ARHGAP10: variants seen among roughly 807,000 people sequenced by gnomAD.
ARHGAP10 encodes rho GTPase-activating protein 10.
In ARHGAP10, 87 loss-of-function variants were observed where a neutral mutation model predicts 108.6. The ratio of observed to expected loss-of-function variants is 0.80; its 90% CI spans 0.67 to 0.96. The LOEUF (loss-of-function observed/expected upper bound fraction) is 0.96, where lower values mean the gene tolerates loss of function less well. Ranked by LOEUF, ARHGAP10 falls within the 40% of genes least tolerant of loss-of-function variation. The probability of loss-of-function intolerance (pLI) is 0.00; values close to 1 mark genes in which losing one functional copy is unlikely to be tolerated. For synonymous variants in ARHGAP10, 347 were observed against 341.1 expected, an observed-to-expected ratio of 1.02 and a Z score of -0.19; for missense variants, 939 against 954.5, an observed-to-expected ratio of 0.98 and a Z score of 0.21.
intron 16 of ARHGAP10, among the ~76,000 whole-genome samples, chr4:147,959,588 A>C (rs867529031): frequency 2.6e-5 from 4 of 151,934 alleles, no homozygotes; most frequent in Non-Finnish European, 5.9e-5. Flanking sequence ...TCATTGTTCA[A>C]TTCCCACCTA....
At chr4:147,772,274 C>A (rs542094475) in intron 1 of ARHGAP10, among the ~76,000 whole-genome samples, 1 of 152,208 alleles carries the variant, frequency 6.6e-6, no homozygotes, top group Non-Finnish European at 1.5e-5. Flanking sequence ...AGCTCCCTCT[C>A]CCTAGGTTCC....
At chr4:147,743,849 A>G (rs1728796711) in intron 1 of ARHGAP10, among the ~76,000 whole-genome samples, 1 of 152,246 alleles carries the variant, frequency 6.6e-6, no homozygotes, top group Non-Finnish European at 1.5e-5. Flanking sequence ...CAAGGCTTAA[A>G]TTATTTTTAA....
intron 1 of ARHGAP10, among the ~76,000 whole-genome samples, chr4:147,797,842 C>T (rs568532322): frequency 8.5e-5 from 13 of 152,290 alleles, no homozygotes; most frequent in African/African-American, 2.9e-4. Context: ...TGCTATGTTC[C>T]CTGAGGGTCT....
Position 147,771,297 on chromosome 4 carries a change from A to T in ARHGAP10, c.154+38842A>T, listed in dbSNP as rs141994212. ...CGCCTGTAACAGCAGTGAAAATGAC[A>T]TGTGCTCAAGTGGGTTTATTTTACT... On this transcript the variant is annotated intron_variant, in intron 1 of 22. Transcript: ENST00000336498. Among the ~76,000 whole-genome samples, 16 of 152,284 alleles carry T rather than the reference A, an allele frequency of 1.1e-4. No homozygotes were observed. The East Asian group carries it at 2.9e-3, about 28-fold the overall frequency.
chr4:147,742,374 T>C (rs1223167243), intron 1 of ARHGAP10, among the ~76,000 whole-genome samples: 1 of 151,786 alleles, frequency 6.6e-6, no homozygotes, highest in Non-Finnish European at 1.5e-5. Flanking sequence ...GGTAGGTGCC[T>C]ATTATTTTTA....
At chr4:148,018,390 C>A (rs1415241132) in intron 18 of ARHGAP10, among the ~76,000 whole-genome samples, 1 of 152,114 alleles carries the variant, frequency 6.6e-6, no homozygotes, top group Non-Finnish European at 1.5e-5. Context: ...ATATACACAT[C>A]TTGGCAATGT....
At chr4:148,022,733 A>G (rs2149663282) in intron 18 of ARHGAP10, among the ~76,000 whole-genome samples, 1 of 152,358 alleles carries the variant, frequency 6.6e-6, no homozygotes, top group East Asian at 1.9e-4. Context: ...TGAATTGATA[A>G]AATCCAGAAA....
At chr4:147,996,605 C>G (rs1740487938) in intron 18 of ARHGAP10, among the ~76,000 whole-genome samples, 1 of 152,156 alleles carries the variant, frequency 6.6e-6, no homozygotes, top group Non-Finnish European at 1.5e-5. Context: ...AAAACCACAG[C>G]AATGAGGGCA....
chr4:147,851,726 A>G (rs1042686615), intron 4 of ARHGAP10, among the ~76,000 whole-genome samples: 8 of 152,234 alleles, frequency 5.3e-5, no homozygotes, highest in African/African-American at 1.9e-4. Flanking sequence ...CTGAGATACA[A>G]CTAGGAATTA....
At chr4:147,899,009 G>A (rs1459510033) in intron 10 of ARHGAP10, among the ~76,000 whole-genome samples, 1 of 152,140 alleles carries the variant, frequency 6.6e-6, no homozygotes, top group Admixed American at 6.5e-5. Context: ...CCTCCAGGCA[G>A]GCCATGCCAT....
chr4:147,932,575 T>C (rs1737748110), intron 13 of ARHGAP10, among the ~76,000 whole-genome samples: 1 of 151,764 alleles, frequency 6.6e-6, no homozygotes, highest in Admixed American at 6.6e-5. Context: ...ATATCTCATG[T>C]TTTCACTTAC....
chr4:147,950,701 CA>C (rs1738566786), intron 15 of ARHGAP10, among the ~76,000 whole-genome samples: 1 of 151,964 alleles, frequency 6.6e-6, no homozygotes, highest in Non-Finnish European at 1.5e-5. Context: ...ACTGACGAGG[CA>C]ATTTTTTTTT....
intron 15 of ARHGAP10, among the ~76,000 whole-genome samples, chr4:147,949,416 T>C (rs527809623): frequency 3.9e-5 from 6 of 152,306 alleles, no homozygotes; most frequent in African/African-American, 1.4e-4. Context: ...GAACAGTGTT[T>C]CTCAACTGAG....
chr4:147,896,873 A>G (rs1190200623), intron 10 of ARHGAP10, among the ~76,000 whole-genome samples: 1 of 152,120 alleles, frequency 6.6e-6, no homozygotes, highest in African/African-American at 2.4e-5. Context: ...GTATTTTTTA[A>G]AAATTCCAAA....
chr4:147,805,657 A>T (rs1731753551), intron 1 of ARHGAP10, among the ~76,000 whole-genome samples: 1 of 152,162 alleles, frequency 6.6e-6, no homozygotes, highest in Non-Finnish European at 1.5e-5. Context: ...AATAATTTAT[A>T]ATTTAAATTA....
At chr4:147,744,643 T>G in intron 1 of ARHGAP10, among the ~76,000 whole-genome samples, 1 of 150,842 alleles carries the variant, frequency 6.6e-6, no homozygotes, top group Non-Finnish European at 1.5e-5. Context: ...GGTGATTGGG[T>G]GTGGGGGCTG....
intron 13 of ARHGAP10, among the ~76,000 whole-genome samples, chr4:147,923,000 A>T (rs1737312089): frequency 6.6e-6 from 1 of 152,218 alleles, no homozygotes; most frequent in African/African-American, 2.4e-5. Context: ...CCTTGCACAC[A>T]TAGTAAGCAC....
intron 9 of ARHGAP10, among the ~76,000 whole-genome samples, chr4:147,879,592 C>T (rs1437713525): frequency 6.6e-6 from 1 of 151,660 alleles, no homozygotes; most frequent in Non-Finnish European, 1.5e-5. Flanking sequence ...ATGTGCACAA[C>T]GTGCAGGTTT....
intron 3 of ARHGAP10, among the ~76,000 whole-genome samples, chr4:147,845,583 A>G (rs1733598959): frequency 6.6e-6 from 1 of 152,192 alleles, no homozygotes; most frequent in South Asian, 2.1e-4. Context: ...CCCTATTCCT[A>G]TCTTCTGTGA....
Sources: allele counts gnomAD v4.1 joint callset (sites outside exome capture counted in the v4.1 genomes callset), GRCh38; gene constraint gnomAD v4.1.1; transcripts MANE v1.5; gene names NCBI Gene and HGNC (gene_info 2026-07-23, HGNC 2026-07-21).